The following SOX5 variants were observed in gnomAD, a reference collection of about 807,000 sequenced individuals.
The protein encoded by SOX5 is SRY-box transcription factor 5, also known as transcription factor SOX-5.
A neutral mutation model predicts 92.0 loss-of-function variants in SOX5; 9 were observed. The ratio of observed to expected loss-of-function variants is 0.10; its 90% CI spans 0.06 to 0.17. SOX5 has a LOEUF of 0.17. Among genes scored for constraint, SOX5 ranks in the 10% least tolerant of loss-of-function variants. The probability of loss-of-function intolerance (pLI) is 1.00; values close to 1 mark genes in which losing one functional copy is unlikely to be tolerated. For missense variants in SOX5, 642 were observed against 944.5 expected (o/e 0.68, Z 4.20); for synonymous variants, 344 against 336.3 (o/e 1.02, Z -0.25).
intron 4 of SOX5, among the ~76,000 whole-genome samples, chr12:24,146,919 T>A (rs551289482): frequency 6.6e-6 from 1 of 152,236 alleles, no homozygotes; most frequent in East Asian, 1.9e-4. Flanking sequence ...AAACTATCAA[T>A]GCTCAATTAA....
chr12:23,807,404 A>G (rs988445633), intron 3 of SOX5, among the ~76,000 whole-genome samples: 7 of 152,320 alleles, frequency 4.6e-5, no homozygotes, highest in Middle Eastern at 3.4e-3. Context: ...TGAGTTCCTC[A>G]GAAGAAGGTG....
At chr12:24,038,157 TAA>T (rs1401667881) in intron 4 of SOX5, among the ~76,000 whole-genome samples, 17 of 152,224 alleles carry the variant, frequency 1.1e-4, no homozygotes, top group East Asian at 3.9e-4. Context: ...AAGATAGAGA[TAA>T]AAGAGTCCCA....
intron 3 of SOX5, among the ~76,000 whole-genome samples, chr12:24,229,170 C>T (rs373170549): frequency 6.6e-6 from 1 of 152,188 alleles, no homozygotes; most frequent in South Asian, 2.1e-4. Flanking sequence ...CATCAGGCAC[C>T]GCCGAGTTTG....
chr12:23,655,647 C>T (rs556406763), intron 7 of SOX5, among the ~76,000 whole-genome samples: 28 of 152,184 alleles, frequency 1.8e-4, no homozygotes, highest in Admixed American at 7.9e-4. Flanking sequence ...ACATCGTATA[C>T]CTCCTGAGTG....
At chr12:24,193,019 A>G (rs1441680937) in intron 4 of SOX5, among the ~76,000 whole-genome samples, 1 of 152,226 alleles carries the variant, frequency 6.6e-6, no homozygotes, top group Non-Finnish European at 1.5e-5. Flanking sequence ...GGCTAAAATA[A>G]TATGCATCTA....
At chr12:24,250,345 T>C (rs1174403454) in intron 3 of SOX5, among the ~76,000 whole-genome samples, 2 of 152,222 alleles carry the variant, frequency 1.3e-5, no homozygotes, top group Non-Finnish European at 2.9e-5. Context: ...GAAGGGATTT[T>C]AGTCAGTACA....
intron 6 of SOX5, among the ~76,000 whole-genome samples, chr12:23,724,291 C>A (rs977782561): frequency 2.6e-5 from 4 of 152,110 alleles, no homozygotes; most frequent in African/African-American, 9.7e-5. Flanking sequence ...CATACACACA[C>A]ACATACACAC....
intron 4 of SOX5, among the ~76,000 whole-genome samples, chr12:23,971,937 C>G (rs191266306): frequency 3.3e-5 from 5 of 151,996 alleles, no homozygotes; most frequent in African/African-American, 1.2e-4. Context: ...CACTGAGGCT[C>G]TAAAAGAAAA....
chr12:24,165,495 G>A (rs1049110393), intron 4 of SOX5, among the ~76,000 whole-genome samples: 1 of 152,044 alleles, frequency 6.6e-6, no homozygotes, highest in Admixed American at 6.6e-5. Flanking sequence ...GAAATTCAAT[G>A]CCCTCATTTT....
intron 4 of SOX5, among the ~76,000 whole-genome samples, chr12:24,084,460 C>A (rs1943726073): frequency 6.6e-6 from 1 of 151,996 alleles, no homozygotes; most frequent in African/African-American, 2.4e-5. Flanking sequence ...ATTCCTGATT[C>A]TTTATTTTGC....
At chr12:23,792,336 T>C (rs1339316156) in intron 3 of SOX5, among the ~76,000 whole-genome samples, 1 of 151,782 alleles carries the variant, frequency 6.6e-6, no homozygotes, top group Non-Finnish European at 1.5e-5. Flanking sequence ...GATAAAAATC[T>C]CGGACAGGCC....
At chr12:23,685,055 C>T (rs2087277010) in intron 6 of SOX5, among the ~76,000 whole-genome samples, 1 of 152,044 alleles carries the variant, frequency 6.6e-6, no homozygotes, top group South Asian at 2.1e-4. Flanking sequence ...GTAAAGACAA[C>T]CATTAACTTA....
At chr12:24,452,487 G>A (rs781429882) in intron 1 of SOX5, among the ~76,000 whole-genome samples, 28 of 152,162 alleles carry the variant, frequency 1.8e-4, no homozygotes, top group Non-Finnish European at 3.8e-4. Flanking sequence ...ACCTGGAGAG[G>A]CTAGACTGAT....
upstream of SOX5, among the ~76,000 whole-genome samples, chr12:23,955,025 A>G (rs1248221831): frequency 6.6e-6 from 1 of 152,132 alleles, no homozygotes; most frequent in African/African-American, 2.4e-5. Context: ...AAAACAACTA[A>G]ATGCGATATG....
chr12:24,255,015 A>C (rs1594843976), intron 3 of SOX5, among the ~76,000 whole-genome samples: 1 of 152,126 alleles, frequency 6.6e-6, no homozygotes, highest in Non-Finnish European at 1.5e-5. Context: ...GAAGAGAAAC[A>C]AGAAAAGAAA....
At chr12:24,374,516 TACACACACACACACACACAC>T (rs148748308) in intron 1 of SOX5, among the ~76,000 whole-genome samples, 1 of 146,408 alleles carries the variant, frequency 6.8e-6, no homozygotes, top group African/African-American at 2.5e-5. Flanking sequence ...CACACACACA[TACACACACACACACACACAC>T]ATGCATGCAC....
chr12:23,781,079 T>C (rs957054820), intron 3 of SOX5, among the ~76,000 whole-genome samples: 3 of 152,034 alleles, frequency 2.0e-5, no homozygotes, highest in African/African-American at 7.2e-5. Flanking sequence ...GCCCATGTAA[T>C]TCCCTTGTCT....
intron 7 of SOX5, among the ~76,000 whole-genome samples, chr12:23,653,362 C>A (rs575719585): frequency 6.6e-6 from 1 of 151,890 alleles, no homozygotes; most frequent in Non-Finnish European, 1.5e-5. Context: ...TGTATAGCTG[C>A]CTTTATCCTT....
intron 1 of SOX5, among the ~76,000 whole-genome samples, chr12:24,525,377 G>A (rs946898866): frequency 2.0e-5 from 3 of 152,132 alleles, no homozygotes; most frequent in Non-Finnish European, 2.9e-5. Flanking sequence ...CAGAGTTGGG[G>A]GAATGGGAAG....
Sources: allele counts gnomAD v4.1 joint callset (sites outside exome capture counted in the v4.1 genomes callset), GRCh38; gene constraint gnomAD v4.1.1; transcripts MANE v1.5; gene names NCBI Gene and HGNC (gene_info 2026-07-23, HGNC 2026-07-21).